Variants in NALCN observed in about 807,000 individuals in gnomAD.
NALCN encodes the protein sodium leak channel, non-selective.
Under a neutral mutation model 225.3 loss-of-function variants are expected in NALCN, and 111 were observed. The ratio of observed to expected loss-of-function variants is 0.49; its 90% CI spans 0.42 to 0.58. The LOEUF is 0.58. NALCN is among the 20% of genes least tolerant of loss of function. NALCN has a pLI of 0.00. For missense variants in NALCN, 1,378 were observed against 2,202.4 expected (o/e 0.63, Z 7.49); for synonymous variants, 764 against 769.0 (o/e 0.99, Z 0.11).
chr13:101,073,399 G>A (rs2033033244), intron 37 of NALCN, among the ~76,000 whole-genome samples, 185 bp downstream of exon 37: 1 of 152,184 alleles, frequency 6.6e-6, no homozygotes, highest in Non-Finnish European at 1.5e-5. Flanking sequence ...GGTTAATTGA[G>A]TATTTTGCCC....
At chr13:101,121,525 T>G (rs997535204) in intron 18 of NALCN, among the ~76,000 whole-genome samples, 1 of 152,172 alleles carries the variant, frequency 6.6e-6, no homozygotes, top group Non-Finnish European at 1.5e-5. Context: ...CTCCCTATAC[T>G]GCTGTTACTT....
At chr13:101,168,825 C>T (rs2038576973) in intron 15 of NALCN, among the ~76,000 whole-genome samples, 1 of 152,046 alleles carries the variant, frequency 6.6e-6, no homozygotes, top group Non-Finnish European at 1.5e-5. Context: ...TTCTCTCTTG[C>T]TCTACACATT....
chr13:101,390,335 A>G (rs1255466349), intron 3 of NALCN, among the ~76,000 whole-genome samples: 1 of 152,108 alleles, frequency 6.6e-6, no homozygotes, highest in Non-Finnish European at 1.5e-5. Flanking sequence ...AGTATTTGAG[A>G]AAGAGGAGTG....
Position 101,081,014 on chromosome 13 carries a change from T to C in NALCN, c.3885+513A>G, listed in dbSNP as rs552605854. 2.0e-5 allele frequency among the ~76,000 whole-genome samples: 3 copies of C among 152,216 alleles called. No individual in the cohort carries two copies. In the East Asian group the frequency reaches 5.8e-4, roughly 30 times the overall value. Reference sequence around the variant, plus strand: ...ACAGATATAGAGATGGAGAATCATATGCTTTAGAGAAGTGGAGGCTAAATG... The same window carrying C: ...ACAGATATAGAGATGGAGAATCATACGCTTTAGAGAAGTGGAGGCTAAATG... On this transcript the variant is annotated intron_variant, in intron 34 of 43. Transcript: ENST00000251127.
At chr13:101,192,666 A>C (rs1007851139) in intron 13 of NALCN, among the ~76,000 whole-genome samples, 4 of 148,250 alleles carry the variant, frequency 2.7e-5, no homozygotes, top group African/African-American at 7.9e-5. Context: ...CAAGACCAAA[A>C]AAACAAACAA....
intron 14 of NALCN, among the ~76,000 whole-genome samples, chr13:101,185,011 G>T (rs1455375895): frequency 1.3e-5 from 2 of 151,386 alleles, no homozygotes; most frequent in East Asian, 1.9e-4. Flanking sequence ...AAATTATTTT[G>T]AAATATACAC....
At chr13:101,211,996 A>T (rs867138050) in intron 13 of NALCN, among the ~76,000 whole-genome samples, 2 of 151,816 alleles carry the variant, frequency 1.3e-5, no homozygotes, top group South Asian at 4.2e-4. Flanking sequence ...AAAAAAAATT[A>T]AAAAAAATAA....
intron 6 of NALCN, among the ~76,000 whole-genome samples, chr13:101,371,518 T>C (rs764127746): frequency 1.3e-5 from 2 of 152,152 alleles, no homozygotes; most frequent in Non-Finnish European, 2.9e-5. Context: ...TTTTAAAAAC[T>C]GCCAAACTGT....
At chr13:101,383,604 T>C (rs1416057285) in intron 3 of NALCN, among the ~76,000 whole-genome samples, 2 of 152,216 alleles carry the variant, frequency 1.3e-5, no homozygotes, top group South Asian at 4.1e-4. Flanking sequence ...TACAGCAAGA[T>C]GTCAGTTAAT....
chr13:101,290,791 C>A (rs573850866), intron 9 of NALCN, among the ~76,000 whole-genome samples: 1 of 152,204 alleles, frequency 6.6e-6, no homozygotes, highest in South Asian at 2.1e-4. Context: ...TTGATAGATA[C>A]CTTTGTCTTA....
At chr13:101,171,722 T>C (rs2038731467) in intron 15 of NALCN, among the ~76,000 whole-genome samples, 1 of 152,088 alleles carries the variant, frequency 6.6e-6, no homozygotes, top group African/African-American at 2.4e-5. Context: ...CACACACTGG[T>C]GATGTCTTGG....
chr13:101,388,456 C>T (rs2047054352), intron 3 of NALCN, among the ~76,000 whole-genome samples: 3 of 152,080 alleles, frequency 2.0e-5, no homozygotes, highest in Non-Finnish European at 2.9e-5. Flanking sequence ...GTAAATAGCT[C>T]ATCACCCAAA....
At chr13:101,125,865 T>C (rs998430854) in intron 17 of NALCN, among the ~76,000 whole-genome samples, 1 of 152,188 alleles carries the variant, frequency 6.6e-6, no homozygotes, top group African/African-American at 2.4e-5. Context: ...ACTACCTGTA[T>C]AAGTGCTGTG....
intron 10 of NALCN, among the ~76,000 whole-genome samples, chr13:101,269,211 C>CAT (rs60240326): frequency 0.028 from 4,086 of 145,402 alleles, 63 homozygotes; most frequent in East Asian, 0.055. Context: ...AGAAAAAGCT[C>CAT]ATATATATAT....
chr13:101,167,129 G>A (rs1477186658), intron 15 of NALCN, among the ~76,000 whole-genome samples: 1 of 152,120 alleles, frequency 6.6e-6, no homozygotes, highest in Non-Finnish European at 1.5e-5. Context: ...TTTGTAATAT[G>A]TTTTGAAATC....
At chr13:101,099,618 G>A (rs1025291354) in intron 27 of NALCN, among the ~76,000 whole-genome samples, 1 of 152,024 alleles carries the variant, frequency 6.6e-6, no homozygotes, top group African/African-American at 2.4e-5. Context: ...TAAGAGAATG[G>A]GACACTTTAT....
chr13:101,269,560 C>A (rs1566509586), intron 10 of NALCN, among the ~76,000 whole-genome samples: 2 of 152,152 alleles, frequency 1.3e-5, no homozygotes, highest in African/African-American at 4.8e-5. Flanking sequence ...GGTCCCAAGA[C>A]CCTTTCATCC....
intron 13 of NALCN, among the ~76,000 whole-genome samples, chr13:101,193,655 G>A (rs1030883271): frequency 6.6e-5 from 10 of 152,030 alleles, no homozygotes; most frequent in East Asian, 5.8e-4. Flanking sequence ...TCTTGTTATG[G>A]TGCCCAAGAG....
chr13:101,279,790 C>A (rs1283499093), intron 10 of NALCN, among the ~76,000 whole-genome samples: 1 of 149,200 alleles, frequency 6.7e-6, no homozygotes, highest in African/African-American at 2.5e-5. Flanking sequence ...GCACTCCAGC[C>A]TGGGCGACAG....
Sources: allele counts gnomAD v4.1 joint callset (sites outside exome capture counted in the v4.1 genomes callset), GRCh38; gene constraint gnomAD v4.1.1; transcripts MANE v1.5; gene names NCBI Gene and HGNC (gene_info 2026-07-23, HGNC 2026-07-21).